Variants in TNKS1BP1 observed in about 807,000 individuals in gnomAD.
The protein encoded by TNKS1BP1 is 182 kDa tankyrase-1-binding protein.
In TNKS1BP1, 48 loss-of-function variants were observed where a neutral mutation model predicts 141.1. The ratio of observed to expected loss-of-function variants is 0.34; its 90% confidence interval spans 0.27 to 0.43. The LOEUF is 0.43. Among genes scored for constraint, TNKS1BP1 ranks in the 20% least tolerant of loss-of-function variants. The pLI is 1.00. For missense variants in TNKS1BP1, 2,149 were observed against 2,226.0 expected (o/e 0.97, Z 0.70); for synonymous variants, 875 against 898.2 (o/e 0.97, Z 0.46).
chr11:57,314,678 G>A (rs1164464907), intron 4 of TNKS1BP1, among the ~76,000 whole-genome samples: 1 of 152,102 alleles, frequency 6.6e-6, no homozygotes, highest in Non-Finnish European at 1.5e-5. Context: ...GCAGAGAGTG[G>A]GGAGGACGTG....
rs1349238728 is a variant in TNKS1BP1, at chr11:57,315,121, C to T, written c.799-1232G>A. Among the ~76,000 whole-genome samples, 4 of 152,116 alleles carry T rather than the reference C, an allele frequency of 2.6e-5. No individual in the cohort carries two copies. In the East Asian group the frequency reaches 7.7e-4, roughly 29 times the overall value. ...TTCCAGCCTCTGGTTCGTTGACCTC[C>T]TCTTCCTCAGTGACTGTGCGACCCA... On this transcript the variant is annotated intron_variant, in intron 4 of 11. Coordinates refer to ENST00000358252, the MANE Select transcript of TNKS1BP1 (RefSeq NM_033396.3).
intron 6 of TNKS1BP1, among the ~76,000 whole-genome samples, chr11:57,305,244 C>G (rs1855591275): frequency 6.6e-6 from 1 of 152,202 alleles, no homozygotes; most frequent in Non-Finnish European, 1.5e-5. Context: ...CTCTGAACCT[C>G]AGTTTATCTG....
chr11:57,309,647 T>C lies in TNKS1BP1; in HGVS notation c.3064A>G (p.Arg1022Gly), dbSNP rs1288158094. Residue 1022 changes from arginine (R) to glycine (G), a missense_variant, in exon 6 of 12, where the codon AGA (arginine) becomes GGA (glycine). Coordinates refer to ENST00000358252, the MANE Select transcript of TNKS1BP1 (RefSeq NM_033396.3). The surrounding 1 kb of genome is among the most constrained non-coding windows in gnomAD (Gnocchi z 4.3). ...GGACTGAACAAGCCCCCGGATCCTC[T>C]CTCTCCTGGCCGGCCAGCATCCCTG... ...GSRDAGRPGE[R>G]GSGGLFSPST... The C allele has an allele frequency of 6.2e-7, 1 of 1,614,008 alleles. No homozygotes were observed. The highest frequency in any genetic ancestry group is 1.3e-5 in the African/African-American group (1 of 74,916).
At position 57,308,678 on chromosome 11, in the gene TNKS1BP1, T is replaced by C; in HGVS notation, c.4033A>G (p.Thr1345Ala). Residue 1345 changes from threonine to alanine, a missense_variant, in exon 6 of 12, where the codon ACC (threonine) becomes GCC (alanine). Thr to Ala is a moderately conservative substitution (Grantham distance 58). Transcript: ENST00000358252. ...ACATTCTGGGGCGCCAAGTCCTGGG[T>C]CCAGTCCATCTGCCCCACTCCACAT... ...RGCGVGQMDW[T>A]QDLAPQNVEL... 6.2e-7 allele frequency: 1 copy of C among 1,612,564 alleles called. No individual in the cohort carries two copies. The highest frequency in any genetic ancestry group is 8.5e-7 in the Non-Finnish European group (1 of 1,179,900).
In TNKS1BP1 at chr11:57,311,216, C is replaced by G. The variant is rs555538621; in HGVS notation, c.2155-660G>C. 1.4e-5 allele frequency: 14 copies of G among 982,634 alleles called. No homozygotes were observed. The East Asian group carries it at 5.7e-4, about 40-fold the overall frequency. The allele number at this position is 982,634 out of a possible 1,614,324, so 60.9% of individuals were successfully genotyped here. On this transcript the variant is annotated intron_variant, in intron 5 of 11. Coordinates refer to ENST00000358252, the MANE Select transcript of TNKS1BP1 (RefSeq NM_033396.3). The stretch of plus-strand genomic sequence containing the variant: ...CCAGGGCTTCTTGCACCCCACCCCC[C>G]ACCTCACGCTCCCTGACTCACCCTT...
intron 11 of TNKS1BP1, 108 bp from the exon 12 acceptor site, chr11:57,300,189 C>G (rs1855504868): frequency 3.9e-6 from 1 of 255,716 alleles, no homozygotes; most frequent in East Asian, 8.9e-5. Context: ...GGTCATGGAG[C>G]CTGGTAAGTG....
chr11:57,312,464 A>C (rs1855727308), intron 5 of TNKS1BP1, 70 bp downstream of exon 5: 7 of 1,383,444 alleles, frequency 5.1e-6, no homozygotes, highest in Non-Finnish European at 6.6e-6. Flanking sequence ...ATCCATGTTC[A>C]AAGAATGAAG....
chr11:57,312,959 C>A lies in TNKS1BP1; in HGVS notation c.1729G>T (p.Gly577Cys). The A allele has an allele frequency of 6.2e-7, 1 of 1,613,862 alleles. No homozygotes were observed. The highest frequency in any genetic ancestry group is 8.5e-7 in the Non-Finnish European group (1 of 1,179,978). The change falls in exon 5 of 12, where the codon GGC becomes TGC. Residue 577 changes from glycine (G) to cysteine (C), a missense_variant. By Grantham distance (159) the Gly-to-Cys change is radical. Transcript: ENST00000358252. ...TGCTGCAAAGGTAATCCAGGTGTGCCCTCAGTTGTAGGCAGGGGCTCAAGG... is the reference window on the plus strand; with the variant it reads ...TGCTGCAAAGGTAATCCAGGTGTGCACTCAGTTGTAGGCAGGGGCTCAAGG... Reference protein sequence around the residue: ...VPLEPLPTTEGTPGLPLQQAE... With the variant: ...VPLEPLPTTECTPGLPLQQAE...
chr11:57,301,090 G>A, intron 9 of TNKS1BP1, 49 bp from the exon 10 acceptor site: 1 of 1,525,454 alleles, frequency 6.6e-7, no homozygotes, highest in Non-Finnish European at 8.8e-7. Context: ...ACAGGCAGTA[G>A]GACTCTCAGG....
At chr11:57,301,707 G>A in intron 9 of TNKS1BP1, 100 bp downstream of exon 9, 1 of 1,478,074 alleles carries the variant, frequency 6.8e-7, no homozygotes, top group Non-Finnish European at 9.2e-7. Context: ...GGGAGAGGGG[G>A]ACAGGGGAAT....
chr11:57,311,201 T>G (rs1450717625), intron 5 of TNKS1BP1: 2 of 981,856 alleles, frequency 2.0e-6, no homozygotes, highest in Non-Finnish European at 2.4e-6. Context: ...CCAGGGCTTC[T>G]TGCACCCCAC....
Position 57,310,477 on chromosome 11 carries a change from G to A in TNKS1BP1, c.2234C>T (p.Pro745Leu), listed in dbSNP as rs1855688961. ...AGAAGCACCTTGACACCAGCTGGAAGGACTGAAACTGCTGGGCTGTGGGTC... is the reference window on the plus strand; with the variant it reads ...AGAAGCACCTTGACACCAGCTGGAAAGACTGAAACTGCTGGGCTGTGGGTC... ...TGDPQPSSFS[P>L]SSWCQGASQD... Residue 745 changes from proline to leucine, a missense_variant, in exon 6 of 12, where the codon CCT (proline) becomes CTT (leucine). Coordinates refer to ENST00000358252, the MANE Select transcript of TNKS1BP1 (RefSeq NM_033396.3). 1 of 1,612,758 alleles carries A rather than the reference G, an allele frequency of 6.2e-7. No individual in the cohort carries two copies. The highest frequency in any genetic ancestry group is 1.6e-4 in the Middle Eastern group (1 of 6,062).
Position 57,309,567 on chromosome 11 carries a change from C to G in TNKS1BP1, c.3144G>C (p.Trp1048Cys). The change falls in exon 6 of 12, where the codon TGG becomes TGC. Residue 1048 changes from tryptophan to cysteine, a missense_variant. Transcript: ENST00000358252. This position sits in a 1 kb window ranked among gnomAD's most constrained non-coding sequence, Gnocchi z 4.3. ...CCTCCTGGCTAGCATCACTGTTTTG[C>G]CAGCTGCTCTGGTCTCTCTGCCCGA... Reference protein sequence around the residue: ...GALGQRDQSSWQNSDASQEVG... With the variant: ...GALGQRDQSSCQNSDASQEVG... 2.5e-6 allele frequency: 4 copies of G among 1,613,362 alleles called. No individual in the cohort carries two copies. The highest frequency in any genetic ancestry group is 3.4e-6 in the Non-Finnish European group (4 of 1,180,022).
rs763389822 is a variant in TNKS1BP1 at position 57,320,505 on chromosome 11, G to A, written c.302C>T (p.Pro101Leu). 11 of 1,611,332 alleles carry A rather than the reference G, an allele frequency of 6.8e-6. No homozygotes were observed. The highest frequency in any genetic ancestry group is 8.5e-6 in the Non-Finnish European group (10 of 1,177,978). ...GGSKRPLPFA[P>L]RPAVEASTGG... ...AGTGGAGGCCTCAACCGCAGGCCTT[G>A]GTGCAAAGGGAAGGGGGCGCTTGCT... Residue 101 changes from proline to leucine, a missense_variant, in exon 3 of 12, where the codon CCA (proline) becomes CTA (leucine). Pro to Leu is a moderately conservative substitution (Grantham distance 98). Coordinates refer to ENST00000358252, the MANE Select transcript of TNKS1BP1 (RefSeq NM_033396.3).
At position 57,320,687 on chromosome 11, in the gene TNKS1BP1, GA is replaced by G. The variant is rs771752769; in HGVS notation, c.119del (p.Val40AlafsTer42). 6.2e-7 allele frequency: 1 copy of G among 1,603,220 alleles called. No individual in the cohort carries two copies. Among genetic ancestry groups the G allele is most frequent in the African/African-American group, 1.3e-5 (1 of 74,834 alleles). On this transcript the variant is annotated frameshift_variant, in exon 3 of 12. Transcript: ENST00000358252. LOFTEE classifies it high-confidence loss of function. Reference protein sequence around the residue: ...EPGDTRAKPPVKPKPRALPAK... With the variant: ...EPGDTRAKPPXKPKPRALPAK... Reference sequence around the variant, plus strand: ...CAGGCAGGGCCCGGGGTTTGGGCTTGACAGGGGGTTTGGCCCGAGTGTCACC... The same window carrying G: ...CAGGCAGGGCCCGGGGTTTGGGCTTGCAGGGGGTTTGGCCCGAGTGTCACC...
Position 57,301,804 on chromosome 11 carries a change from T to C in TNKS1BP1, c.4971+3A>G. 3 of 1,610,688 alleles carry C rather than the reference T, an allele frequency of 1.9e-6. No homozygotes were observed. Among genetic ancestry groups the C allele is most frequent in the South Asian group, 1.1e-5 (1 of 90,948 alleles). On this transcript the variant is annotated splice_donor_region_variant and intron_variant, in intron 9 of 11. Coordinates refer to ENST00000358252, the MANE Select transcript of TNKS1BP1 (RefSeq NM_033396.3). ...ACATGTTTGCTTAATGATCAGATGG[T>C]ACCTTCAGGGCTGAGGGGCTCAGGC... is the stretch of plus-strand genomic sequence containing the variant.
intron 4 of TNKS1BP1, among the ~76,000 whole-genome samples, chr11:57,316,543 T>C (rs1157287113): frequency 6.6e-6 from 1 of 152,174 alleles, no homozygotes; most frequent in Non-Finnish European, 1.5e-5. Context: ...GAAGTCCCCG[T>C]CTCGGCAACC....
chr11:57,302,859 G>T lies in TNKS1BP1; in HGVS notation c.4317-34C>A. 6.7e-7 allele frequency: 1 copy of T among 1,484,886 alleles called. No homozygotes were observed. The highest frequency in any genetic ancestry group is 8.9e-7 in the Non-Finnish European group (1 of 1,120,812). 92.0% of individuals were successfully genotyped at this position (1,484,886 alleles called of 1,614,324 possible). On this transcript the variant is annotated intron_variant, in intron 6 of 11. Transcript: ENST00000358252. The surrounding 1 kb of genome is among the most constrained non-coding windows in gnomAD (Gnocchi z 5.5). ...GGGACAGAGAGAGAACGAGATCATCGTAAGGCCCCATCTCCCTGCCCTGAA... is the reference window on the plus strand; with the variant it reads ...GGGACAGAGAGAGAACGAGATCATCTTAAGGCCCCATCTCCCTGCCCTGAA...
At position 57,301,878 on chromosome 11, in the gene TNKS1BP1, T is replaced by A; in HGVS notation, c.4900A>T (p.Thr1634Ser). The change falls in exon 9 of 12, where the codon ACA (threonine) becomes TCA (serine). Residue 1634 changes from threonine (T) to serine (S), a missense_variant. Transcript: ENST00000358252. ...EVVEEPQSRR[T>S]RMSLGTKGLK... ...CCCTTGGTGCCCAACGACATCCGTG[T>A]CCGGCGGCTCTGAGGTTCCTCCACT... The A allele has an allele frequency of 6.2e-7, 1 of 1,614,116 alleles. No individual in the cohort carries two copies. The highest frequency in any genetic ancestry group is 1.1e-5 in the South Asian group (1 of 91,082).
Sources: allele counts gnomAD v4.1 joint callset (sites outside exome capture counted in the v4.1 genomes callset), GRCh38; gene constraint gnomAD v4.1.1; non-coding constraint Gnocchi (gnomAD v3.1); transcripts MANE v1.5; gene names NCBI Gene and HGNC (gene_info 2026-07-23, HGNC 2026-07-21).